The following GOLPH3L variants were observed in gnomAD, a reference collection of about 807,000 sequenced individuals.
GOLPH3L encodes the protein golgi phosphoprotein 3 like.
A neutral mutation model predicts 30.3 loss-of-function variants in GOLPH3L; 22 were observed. The ratio of observed to expected loss-of-function variants is 0.73; its 90% CI spans 0.52 to 1.04. The LOEUF (loss-of-function observed/expected upper bound fraction) is 1.04, where lower values mean the gene tolerates loss of function less well. Ranked by LOEUF, GOLPH3L falls within the 50% of genes least tolerant of loss-of-function variation. The pLI, the probability that GOLPH3L is intolerant of heterozygous loss-of-function variation, is 0.00. For synonymous variants in GOLPH3L, 120 were observed against 128.2 expected, an observed-to-expected ratio of 0.94 and a Z score of 0.43; for missense variants, 303 against 345.8, an observed-to-expected ratio of 0.88 and a Z score of 0.98.
chr1:150,678,361 G>A (rs1650869769), intron 2 of GOLPH3L, among the ~76,000 whole-genome samples: 1 of 149,928 alleles, frequency 6.7e-6, no homozygotes, highest in South Asian at 2.1e-4. Flanking sequence ...ATTATTAAGA[G>A]GTTGGGGTCA....
intron 2 of GOLPH3L, among the ~76,000 whole-genome samples, chr1:150,681,144 A>G (rs1479356512): frequency 6.6e-6 from 1 of 152,148 alleles, no homozygotes; most frequent in African/African-American, 2.4e-5. Context: ...CCTCAAAAAA[A>G]TAAGTTTTTA....
intron 2 of GOLPH3L, among the ~76,000 whole-genome samples, chr1:150,668,529 C>T (rs758598042): frequency 6.6e-5 from 10 of 152,110 alleles, no homozygotes; most frequent in East Asian, 1.9e-4. Context: ...ACTACAGGCG[C>T]GTGCCACCAC....
chr1:150,690,747 T>G (rs1350423528), intron 2 of GOLPH3L, among the ~76,000 whole-genome samples: 3 of 152,170 alleles, frequency 2.0e-5, no homozygotes, highest in African/African-American at 7.2e-5. Flanking sequence ...CCAGAACGTG[T>G]TTCCTTTTCT....
chr1:150,647,495 GA>G lies in GOLPH3L; in HGVS notation c.*825del, dbSNP rs747251099. Reference sequence around the variant, plus strand: ...GCAAGAGCAAGACCCTGTCTCAAAAGAAAAAAAAAAAAAAAGTGGCCTGGGG... The same window carrying G: ...GCAAGAGCAAGACCCTGTCTCAAAAGAAAAAAAAAAAAAAGTGGCCTGGGG... On this transcript the variant is annotated 3_prime_UTR_variant, in exon 5 of 5. Transcript: ENST00000271732. 0.015 allele frequency: 1,575 copies of G among 102,510 alleles called. 9 individuals are homozygous for G. Among genetic ancestry groups the G allele is most frequent in the Admixed American group, 0.018 (177 of 9,934 alleles). The allele number at this position is 102,510 out of a possible 1,614,324, so 6.4% of individuals were successfully genotyped here.
chr1:150,667,714 C>T (rs1441179566), intron 2 of GOLPH3L, among the ~76,000 whole-genome samples: 1 of 151,782 alleles, frequency 6.6e-6, no homozygotes, highest in East Asian at 1.9e-4. Context: ...CTGCCTCAGC[C>T]TCCGAGTAGC....
intron 4 of GOLPH3L, among the ~76,000 whole-genome samples, chr1:150,657,947 A>G (rs1470242025): frequency 1.3e-5 from 2 of 152,260 alleles, no homozygotes; most frequent in African/African-American, 4.8e-5. Context: ...CAAAGACAGA[A>G]GCAAAACAAC....
intron 1 of GOLPH3L, among the ~76,000 whole-genome samples, chr1:150,696,661 G>A (rs1407807376): frequency 1.3e-5 from 2 of 151,956 alleles, no homozygotes; most frequent in African/African-American, 2.4e-5. Context: ...TGTTATGGGA[G>A]GTGGGAAGAA....
At chr1:150,671,806 CAAAAAAAAAA>C (rs397793655) in intron 2 of GOLPH3L, among the ~76,000 whole-genome samples, 6 of 47,154 alleles carry the variant, frequency 1.3e-4, no homozygotes, top group African/African-American at 5.4e-4. Context: ...AACTCCGTCT[CAAAAAAAAAA>C]AAAAAAAAAA....
intron 2 of GOLPH3L, among the ~76,000 whole-genome samples, chr1:150,678,207 G>A (rs1433397421): frequency 1.5e-5 from 2 of 136,118 alleles, no homozygotes; most frequent in Non-Finnish European, 3.1e-5. Context: ...GCTGAGGCAG[G>A]AGAATCACTT....
At chr1:150,688,774 G>A (rs958048544) in intron 2 of GOLPH3L, among the ~76,000 whole-genome samples, 4 of 151,934 alleles carry the variant, frequency 2.6e-5, no homozygotes, top group African/African-American at 9.7e-5. Context: ...ACAAAAAAAA[G>A]AGTTATCACC....
intron 2 of GOLPH3L, among the ~76,000 whole-genome samples, chr1:150,683,740 TACTC>T (rs1232802515): frequency 2.1e-5 from 2 of 93,748 alleles, no homozygotes; most frequent in African/African-American, 8.1e-5. Context: ...AAAAGAGAGA[TACTC>T]AATAAATGTT....
intron 2 of GOLPH3L, among the ~76,000 whole-genome samples, chr1:150,682,273 T>C (rs1557788053): frequency 6.6e-6 from 1 of 152,052 alleles, no homozygotes; most frequent in East Asian, 1.9e-4. Context: ...GACAAAAGCA[T>C]ATATCCATGT....
intron 4 of GOLPH3L, among the ~76,000 whole-genome samples, chr1:150,658,564 C>T (rs587733757): frequency 1.3e-5 from 2 of 152,238 alleles, no homozygotes; most frequent in South Asian, 2.1e-4. Context: ...AGAAAATGAA[C>T]GTACTTGTTT....
chr1:150,648,477 C>T lies in GOLPH3L; in HGVS notation c.702G>A (p.Val234=), dbSNP rs1188801264. 1.9e-6 allele frequency: 3 copies of T among 1,613,954 alleles called. No individual in the cohort carries two copies. The highest frequency in any genetic ancestry group is 2.7e-5 in the African/African-American group (2 of 74,898). The change falls in exon 5 of 5, where the codon GTG becomes GTA. Residue 234 remains valine, a synonymous_variant. Coordinates refer to ENST00000271732, the MANE Select transcript of GOLPH3L (RefSeq NM_018178.6). ...ALLVLAHSSD[V]LENVFSSLTD... ...TCAGAGAGGAGAAGACATTCTCTAG[C>T]ACATCAGAGGAGTGGGCTAGCACCA...
intron 2 of GOLPH3L, among the ~76,000 whole-genome samples, chr1:150,680,972 T>C (rs1002542486): frequency 2.0e-5 from 3 of 152,022 alleles, no homozygotes; most frequent in African/African-American, 7.2e-5. Context: ...AAACCCTGTC[T>C]CTACTGAAAA....
At chr1:150,688,913 T>C (rs12410120) in intron 2 of GOLPH3L, among the ~76,000 whole-genome samples, 1 of 152,162 alleles carries the variant, frequency 6.6e-6, no homozygotes, top group Admixed American at 6.6e-5. Context: ...TATCACATTG[T>C]TCTGAAATGG....
chr1:150,668,444 A>C (rs904927382), intron 2 of GOLPH3L, among the ~76,000 whole-genome samples: 1 of 152,068 alleles, frequency 6.6e-6, no homozygotes, highest in Admixed American at 6.6e-5. Flanking sequence ...GTGCAGTGGC[A>C]TGATCTCATC....
chr1:150,659,467 C>T lies in GOLPH3L; in HGVS notation c.430+2347G>A, dbSNP rs1268186204. Among the ~76,000 whole-genome samples the T allele has an allele frequency of 2.0e-5, 3 of 152,338 alleles. No homozygotes were observed. The East Asian group carries it at 5.8e-4, about 29-fold the overall frequency. ...GTGCCTTAAGGACATGTTCATGCTG[C>T]AGATAACTAGCCAGAGCCCGTCCCT... On this transcript the variant is annotated intron_variant, in intron 4 of 4. Transcript: ENST00000271732.
chr1:150,695,430 C>A (rs926973640), intron 1 of GOLPH3L, among the ~76,000 whole-genome samples: 1 of 152,148 alleles, frequency 6.6e-6, no homozygotes, highest in African/African-American at 2.4e-5. Flanking sequence ...AGCCACCAGG[C>A]CCGGCCAAAC....
Sources: gnomAD v4.1 joint callset for allele counts (sites outside exome capture counted in the v4.1 genomes callset) on GRCh38, gnomAD v4.1.1 for gene constraint, MANE v1.5 for transcripts, NCBI Gene and HGNC (gene_info 2026-07-23, HGNC 2026-07-21) for gene names.